The following KIAA1328 variants were observed in gnomAD, a reference collection of about 807,000 sequenced individuals.
KIAA1328 encodes the protein KIAA1328, also known as protein hinderin.
Under a neutral mutation model 68.1 loss-of-function variants are expected in KIAA1328, and 52 were observed. That is an observed-to-expected ratio of 0.76 (90% CI 0.61 to 0.96). The LOEUF (loss-of-function observed/expected upper bound fraction) is 0.96, where lower values mean the gene tolerates loss of function less well. Among genes scored for constraint, KIAA1328 ranks in the 40% least tolerant of loss-of-function variants. The pLI, the probability that KIAA1328 is intolerant of heterozygous loss-of-function variation, is 0.00. For missense variants in KIAA1328, 641 were observed against 677.6 expected (o/e 0.95, Z 0.60); for synonymous variants, 232 against 239.4 (o/e 0.97, Z 0.28).
intron 7 of KIAA1328, among the ~76,000 whole-genome samples, chr18:37,101,221 G>T (rs879945130): frequency 2.2e-4 from 34 of 152,232 alleles, no homozygotes; most frequent in Admixed American, 5.9e-4. Context: ...ACTACTCTGA[G>T]CTAAAGGAGG....
At chr18:37,219,914 C>A (rs1375593500) in intron 9 of KIAA1328, among the ~76,000 whole-genome samples, 1 of 152,202 alleles carries the variant, frequency 6.6e-6, no homozygotes, top group Non-Finnish European at 1.5e-5. Flanking sequence ...CTTTGTCGAT[C>A]ACACTGGGAG....
At chr18:36,987,964 A>T (rs945940192) in intron 6 of KIAA1328, among the ~76,000 whole-genome samples, 4 of 152,134 alleles carry the variant, frequency 2.6e-5, no homozygotes, top group African/African-American at 9.7e-5. Flanking sequence ...TATATTTTAC[A>T]GTGCATGATA....
intron 8 of KIAA1328, among the ~76,000 whole-genome samples, chr18:37,162,584 A>G (rs571533187): frequency 3.1e-4 from 47 of 152,334 alleles, no homozygotes; most frequent in Non-Finnish European, 2.1e-4. Flanking sequence ...CTTTCCATGG[A>G]TGCACAGTAG....
rs529578291 is a variant in KIAA1328, at chr18:37,000,219, G to C, written c.576+40784G>C. ...AGCAGGAGTGGCTATACTTGTATCA[G>C]ATAAAACAGACGTTAAGTCAAAAAT... On this transcript the variant is annotated intron_variant, in intron 6 of 9. Transcript: ENST00000280020. Among the ~76,000 whole-genome samples, 5 of 152,240 alleles carry C rather than the reference G, an allele frequency of 3.3e-5. No homozygotes were observed. In the East Asian group the frequency reaches 9.6e-4, roughly 29 times the overall value.
Position 37,067,447 on chromosome 18 carries a change from A to G in KIAA1328, c.1134A>G (p.Glu378=), listed in dbSNP as rs1475245353. The G allele has an allele frequency of 3.1e-6, 5 of 1,587,474 alleles. No homozygotes were observed. The highest frequency in any genetic ancestry group is 4.3e-6 in the Non-Finnish European group (5 of 1,166,784). The change falls in exon 7 of 10, where the codon GAA becomes GAG. Residue 378 remains glutamate (E), a synonymous_variant. Coordinates refer to ENST00000280020, the MANE Select transcript of KIAA1328 (RefSeq NM_020776.3). ...TGATGCTTCAGAAAATGGAACTGGA[A>G]ATTGAAAAGGAGCGCCTTCAGCATC... ...QQLMLQKMEL[E]IEKERLQHLL... is the part of the protein sequence containing the mutation.
intron 7 of KIAA1328, among the ~76,000 whole-genome samples, chr18:37,103,417 T>C (rs1229745299): frequency 6.6e-6 from 1 of 152,178 alleles, no homozygotes; most frequent in Non-Finnish European, 1.5e-5. Flanking sequence ...GACAGTCTTT[T>C]CAATAAACCA....
intron 5 of KIAA1328, among the ~76,000 whole-genome samples, chr18:36,922,128 T>C (rs763956614): frequency 1.2e-4 from 19 of 152,092 alleles, no homozygotes; most frequent in Admixed American, 9.2e-4. Context: ...CTTTTAATTT[T>C]CTCTTGAAGA....
chr18:36,883,952 G>GTATATGTGTGTATATATATATATATA (rs540895118), intron 4 of KIAA1328, among the ~76,000 whole-genome samples: 47 of 120,814 alleles, frequency 3.9e-4, no homozygotes, highest in South Asian at 4.9e-4. Flanking sequence ...TATTTATAAA[G>GTATATGTGTGTATATATATATATATA]TATATATATA....
intron 1 of KIAA1328, among the ~76,000 whole-genome samples, chr18:36,834,049 A>C (rs2046589383): frequency 1.3e-5 from 2 of 152,372 alleles, no homozygotes; most frequent in South Asian, 4.1e-4. Flanking sequence ...TTCATGGAAC[A>C]AGACCTTCCA....
At chr18:36,841,959 C>T (rs1470993556) in intron 3 of KIAA1328, among the ~76,000 whole-genome samples, 5 of 150,446 alleles carry the variant, frequency 3.3e-5, no homozygotes, top group Non-Finnish European at 7.4e-5. Context: ...TCCAATGTTA[C>T]GTGAGATTTC....
At chr18:37,068,059 C>T (rs1482878123) in intron 7 of KIAA1328, among the ~76,000 whole-genome samples, 2 of 152,126 alleles carry the variant, frequency 1.3e-5, no homozygotes, top group Non-Finnish European at 2.9e-5. Context: ...AAATTGATAG[C>T]TTAGAATATC....
At chr18:37,188,488 G>A (rs866147517) in intron 9 of KIAA1328, among the ~76,000 whole-genome samples, 1 of 152,158 alleles carries the variant, frequency 6.6e-6, no homozygotes, top group Non-Finnish European at 1.5e-5. Flanking sequence ...ACTGGAACTG[G>A]CCTGAAACCA....
intron 7 of KIAA1328, among the ~76,000 whole-genome samples, chr18:37,114,068 T>C (rs967149562): frequency 2.9e-4 from 44 of 152,168 alleles, no homozygotes; most frequent in Non-Finnish European, 4.4e-4. Flanking sequence ...TGGGAGACTT[T>C]AACAACCCAC....
intron 7 of KIAA1328, among the ~76,000 whole-genome samples, chr18:37,071,057 C>CTTTTTTT (rs58722044): frequency 3.6e-4 from 31 of 86,836 alleles, no homozygotes; most frequent in East Asian, 1.0e-3. Context: ...TTTTTTCTTC[C>CTTTTTTT]TTTTTTTTTT....
At chr18:36,832,101 T>C (rs552807720) in intron 1 of KIAA1328, among the ~76,000 whole-genome samples, 2 of 152,190 alleles carry the variant, frequency 1.3e-5, no homozygotes, top group Non-Finnish European at 2.9e-5. Flanking sequence ...CCATAAAATA[T>C]ACATTTGTTG....
In KIAA1328 at chr18:37,068,240, G is replaced by C. The variant is rs577198328; in HGVS notation, c.1232+695G>C. Among the ~76,000 whole-genome samples, 3 of 152,270 alleles carry C rather than the reference G, an allele frequency of 2.0e-5. No individual in the cohort carries two copies. The South Asian group carries it at 6.2e-4, about 32-fold the overall frequency. On this transcript the variant is annotated intron_variant, in intron 7 of 9. Transcript: ENST00000280020. ...ATTAGATTGTAAAGCAGTGAGATTA[G>C]CTGTCATCATTCCGAATTTATGTCT...
chr18:36,895,365 G>A (rs1014061190), intron 5 of KIAA1328, among the ~76,000 whole-genome samples: 1 of 152,178 alleles, frequency 6.6e-6, no homozygotes, highest in Non-Finnish European at 1.5e-5. Context: ...GGGTGAGAAA[G>A]TGAAGGCCAC....
chr18:36,988,075 A>G (rs985255317), intron 6 of KIAA1328, among the ~76,000 whole-genome samples: 1 of 152,072 alleles, frequency 6.6e-6, no homozygotes, highest in African/African-American at 2.4e-5. Flanking sequence ...ATTTTAATAT[A>G]TGTTTAATGA....
intron 5 of KIAA1328, among the ~76,000 whole-genome samples, chr18:36,889,214 T>G (rs915768760): frequency 9.8e-5 from 15 of 152,304 alleles, no homozygotes; most frequent in African/African-American, 3.4e-4. Flanking sequence ...ATGTGCCATT[T>G]ACAAAGCCAA....
Sources: gnomAD v4.1 joint callset for allele counts (sites outside exome capture counted in the v4.1 genomes callset) on GRCh38, gnomAD v4.1.1 for gene constraint, MANE v1.5 for transcripts, NCBI Gene and HGNC (gene_info 2026-07-23, HGNC 2026-07-21) for gene names.